The following CHD2 variants were observed in gnomAD, a reference collection of about 807,000 sequenced individuals.
CHD2 encodes the protein chromodomain helicase DNA binding protein 2, also known as ATP-dependent chromatin remodeler CHD2.
Under a neutral mutation model 243.9 loss-of-function variants are expected in CHD2, and 28 were observed. The observed-to-expected ratio is 0.11, with a 90% CI of 0.09 to 0.16. The LOEUF is 0.16. Ranked by LOEUF, CHD2 falls within the 10% of genes least tolerant of loss-of-function variation. The probability of loss-of-function intolerance (pLI) is 1.00; values close to 1 mark genes in which losing one functional copy is unlikely to be tolerated. For synonymous variants in CHD2, 775 were observed against 779.0 expected, an observed-to-expected ratio of 0.99 and a Z score of 0.09; for missense variants, 1,386 against 2,209.8, an observed-to-expected ratio of 0.63 and a Z score of 7.47.
chr15:92,921,162 G>T (rs1479923161), intron 2 of CHD2, among the ~76,000 whole-genome samples: 1 of 152,120 alleles, frequency 6.6e-6, no homozygotes, highest in Non-Finnish European at 1.5e-5. Flanking sequence ...CTTAGGATAG[G>T]AGACCAAAGG....
intron 16 of CHD2, among the ~76,000 whole-genome samples, chr15:92,960,705 G>GTT (rs71467745): frequency 0.034 from 1,737 of 51,432 alleles, 366 homozygotes; most frequent in South Asian, 0.078. Context: ...TCTGTTTGGT[G>GTT]TTTTTTTTTT....
chr15:92,940,947 A>G (rs1264800022), intron 7 of CHD2, among the ~76,000 whole-genome samples: 1 of 130,046 alleles, frequency 7.7e-6, no homozygotes, highest in Non-Finnish European at 1.6e-5. Context: ...AAATATATAT[A>G]AATATAAATA....
chr15:92,967,603 T>G (rs2053782705), intron 17 of CHD2, 90 bp downstream of exon 17: 2 of 947,998 alleles, frequency 2.1e-6, no homozygotes, highest in South Asian at 3.2e-5. Context: ...CTTTTGTTTT[T>G]TTTTTTTTTG....
chr15:92,986,226 T>A (rs1368426089), intron 26 of CHD2, among the ~76,000 whole-genome samples: 2 of 152,316 alleles, frequency 1.3e-5, no homozygotes, highest in East Asian at 3.9e-4. Context: ...TTTCTTGGTA[T>A]CTGATTCAAA....
At chr15:92,952,438 A>G (rs2053565396) in intron 13 of CHD2, among the ~76,000 whole-genome samples, 1 of 152,078 alleles carries the variant, frequency 6.6e-6, no homozygotes. Context: ...GGGAGCCCTG[A>G]GTTTGTTTTT....
At chr15:93,015,882 A>G (rs1020822788) in intron 37 of CHD2, among the ~76,000 whole-genome samples, 3 of 152,240 alleles carry the variant, frequency 2.0e-5, no homozygotes. Flanking sequence ...TGTGGAGGAA[A>G]GGGAACCCAG....
chr15:92,975,716 T>C (rs1364888708), intron 20 of CHD2, among the ~76,000 whole-genome samples: 1 of 152,072 alleles, frequency 6.6e-6, no homozygotes, highest in African/African-American at 2.4e-5. Context: ...CTGAAGAGCT[T>C]TAAAAACTCT....
chr15:92,965,749 C>T (rs902045670), intron 16 of CHD2, among the ~76,000 whole-genome samples: 3 of 123,502 alleles, frequency 2.4e-5, no homozygotes, highest in Non-Finnish European at 3.6e-5. Context: ...AGATCAAGAA[C>T]TAGTGTCTCA....
chr15:92,937,457 G>C, intron 5 of CHD2, 61 bp from the exon 6 acceptor site: 1 of 1,276,250 alleles, frequency 7.8e-7, no homozygotes, highest in Non-Finnish European at 1.1e-6. Flanking sequence ...GGTTTTGTCG[G>C]ATTATTTATC....
chr15:92,967,427 CA>C lies in CHD2; in HGVS notation c.2109del (p.Asp704MetfsTer30), dbSNP rs1567145383. ...TAGAGCCTTTCCTTCTCCGGAGAGT[CA>C]AAAAAGATGTGGAGAAATCCCTTCC... is the stretch of plus-strand genomic sequence containing the variant. Reference protein sequence around the residue: ...VLEPFLLRRVKKDVEKSLPAK... With the variant: ...VLEPFLLRRVXKDVEKSLPAK... On this transcript the variant is annotated frameshift_variant, in exon 17 of 39. Transcript: ENST00000394196. LOFTEE classifies it high-confidence loss of function. The C allele has an allele frequency of 6.2e-7, 1 of 1,613,582 alleles. No individual in the cohort carries two copies. Among genetic ancestry groups the C allele is most frequent in the Non-Finnish European group, 8.5e-7 (1 of 1,179,802 alleles).
intron 3 of CHD2, 85 bp downstream of exon 3, chr15:92,924,637 A>G (rs2053022396): frequency 3.4e-6 from 4 of 1,178,624 alleles, no homozygotes; most frequent in South Asian, 2.5e-5. Flanking sequence ...ACTCATTAGT[A>G]TATCTTGATG....
rs369135221 is a variant in CHD2, at chr15:93,015,188, C to T, written c.4906+279C>T. On this transcript the variant is annotated intron_variant, in intron 37 of 38. Coordinates refer to ENST00000394196, the MANE Select transcript of CHD2 (RefSeq NM_001271.4). ...CCACCTCCTGGGTTCAGGCGATTCT[C>T]GTCCCTCAGCCTCCCGAGTAGCTGG... 3.7e-4 allele frequency among the ~76,000 whole-genome samples: 56 copies of T among 152,286 alleles called. No homozygotes were observed. In the East Asian group the frequency reaches 6.6e-3, roughly 18 times the overall value.
At position 92,929,104 on chromosome 15, in the gene CHD2, T is replaced by C. The variant is rs778463601; in HGVS notation, c.443+13T>C. The C allele has an allele frequency of 3.8e-6, 6 of 1,595,492 alleles. No individual in the cohort carries two copies. In the East Asian group the frequency reaches 1.4e-4, roughly 36 times the overall value. On this transcript the variant is annotated intron_variant, in intron 5 of 38. Transcript: ENST00000394196. Reference sequence around the variant, plus strand: ...AGCTGAAAAAACAGTAAGTCTTTCATGGGGGAAATTATTCAATCTAGTAGT... The same window carrying C: ...AGCTGAAAAAACAGTAAGTCTTTCACGGGGGAAATTATTCAATCTAGTAGT...
chr15:92,934,070 TC>T (rs1380765649), intron 5 of CHD2, among the ~76,000 whole-genome samples: 1 of 152,070 alleles, frequency 6.6e-6, no homozygotes, highest in East Asian at 1.9e-4. Flanking sequence ...GCTACTTCCC[TC>T]TTCCAGATGT....
chr15:92,959,335 C>T (rs2053655981), intron 16 of CHD2, among the ~76,000 whole-genome samples: 1 of 152,178 alleles, frequency 6.6e-6, no homozygotes, highest in Non-Finnish European at 1.5e-5. Flanking sequence ...AATATCTGTT[C>T]TTCATTGAAT....
intron 2 of CHD2, among the ~76,000 whole-genome samples, chr15:92,908,636 AC>A (rs2052667474): frequency 6.6e-6 from 1 of 152,192 alleles, no homozygotes; most frequent in Admixed American, 6.5e-5. Flanking sequence ...CACTTCGTGT[AC>A]TTTAACCCTT....
intron 16 of CHD2, among the ~76,000 whole-genome samples, chr15:92,957,690 CTTTTAT>C (rs925354235): frequency 2.0e-5 from 3 of 150,300 alleles, no homozygotes; most frequent in Non-Finnish European, 4.4e-5. Context: ...TTATTTTTTA[CTTTTAT>C]TTTTATTTTT....
In CHD2 at chr15:92,997,133, C is replaced by G. The variant is rs367836239; in HGVS notation, c.3734+38C>G. ...TGTGTACATGCTTAGATGGTCGTAC[C>G]GTAAGAAAATAGATTTGAAGTTAGA... On this transcript the variant is annotated intron_variant, in intron 29 of 38. Transcript: ENST00000394196. The surrounding 1 kb of genome is among the most constrained non-coding windows in gnomAD (Gnocchi z 4.1). 4 of 1,604,080 alleles carry G rather than the reference C, an allele frequency of 2.5e-6. No homozygotes were observed. The highest frequency in any genetic ancestry group is 1.7e-5 in the Admixed American group (1 of 57,898).
intron 5 of CHD2, among the ~76,000 whole-genome samples, chr15:92,936,958 C>A (rs1258806041): frequency 6.6e-6 from 1 of 152,076 alleles, no homozygotes; most frequent in African/African-American, 2.4e-5. Flanking sequence ...TTCAAGTGAT[C>A]CTTCCGCCTC....
Sources: gnomAD v4.1 joint callset for allele counts (sites outside exome capture counted in the v4.1 genomes callset) on GRCh38, gnomAD v4.1.1 for gene constraint, Gnocchi (gnomAD v3.1) non-coding constraint, MANE v1.5 for transcripts, NCBI Gene and HGNC (gene_info 2026-07-23, HGNC 2026-07-21) for gene names.